The following CELF4 variants were observed in gnomAD, a reference collection of about 807,000 sequenced individuals.
CELF4 encodes CUG-BP- and ETR-3-like factor 4.
Under a neutral mutation model 59.9 loss-of-function variants are expected in CELF4, and 18 were observed. The observed-to-expected ratio is 0.30, with a 90% CI of 0.21 to 0.45. CELF4 has a LOEUF of 0.45. Ranked by LOEUF, CELF4 falls within the 20% of genes least tolerant of loss-of-function variation. The probability of loss-of-function intolerance (pLI) is 1.00; values close to 1 mark genes in which losing one functional copy is unlikely to be tolerated. For missense variants in CELF4, 456 were observed against 689.0 expected (o/e 0.66, Z 3.79); for synonymous variants, 261 against 267.1 (o/e 0.98, Z 0.22).
intron 2 of CELF4, among the ~76,000 whole-genome samples, chr18:37,363,878 T>C (rs1229901431): frequency 6.6e-6 from 1 of 152,178 alleles, no homozygotes; most frequent in Non-Finnish European, 1.5e-5. Flanking sequence ...GGGTACTCTC[T>C]GGCCTCCTCT....
At chr18:37,391,695 C>T (rs150587695) in intron 2 of CELF4, among the ~76,000 whole-genome samples, 18 of 152,340 alleles carry the variant, frequency 1.2e-4, no homozygotes, top group East Asian at 3.9e-4. Context: ...AGTGAATTCT[C>T]GCCTGAATCC....
At chr18:37,445,889 C>T (rs2099746830) in intron 2 of CELF4, among the ~76,000 whole-genome samples, 1 of 152,222 alleles carries the variant, frequency 6.6e-6, no homozygotes, top group African/African-American at 2.4e-5. Context: ...CACCATCCTC[C>T]TCCTCCTTAT....
chr18:37,455,553 C>A (rs904334399), intron 2 of CELF4, among the ~76,000 whole-genome samples: 1 of 152,172 alleles, frequency 6.6e-6, no homozygotes, highest in East Asian at 1.9e-4. Context: ...AATTGGGGAG[C>A]CAGGGCTGAC....
intron 1 of CELF4, among the ~76,000 whole-genome samples, chr18:37,515,124 G>A (rs752410914): frequency 1.3e-5 from 2 of 152,148 alleles, no homozygotes; most frequent in African/African-American, 2.4e-5. Flanking sequence ...GCTTAAATCT[G>A]CATGAGAGCC....
At chr18:37,421,282 T>A (rs1319625556) in intron 2 of CELF4, among the ~76,000 whole-genome samples, 2 of 152,224 alleles carry the variant, frequency 1.3e-5, no homozygotes, top group African/African-American at 2.4e-5. Context: ...AACACAGGGC[T>A]CCCAGCTCCC....
rs1356978769 is a variant in CELF4, at chr18:37,243,406, G to A, written c.*1836C>T. 6.6e-6 allele frequency: 1 copy of A among 152,158 alleles called. No individual in the cohort carries two copies. Among genetic ancestry groups the A allele is most frequent in the Non-Finnish European group, 1.5e-5 (1 of 68,038 alleles). 9.4% of individuals were successfully genotyped at this position (152,158 alleles called of 1,614,324 possible). On this transcript the variant is annotated 3_prime_UTR_variant, in exon 13 of 13. Transcript: ENST00000420428. ...ACATCAATGAGAAGGAATCAAGGCAGAATGCCAAAGCAATCTTCCCAAGGG... is the reference window on the plus strand; with the variant it reads ...ACATCAATGAGAAGGAATCAAGGCAAAATGCCAAAGCAATCTTCCCAAGGG...
At chr18:37,397,059 G>A (rs762402745) in intron 2 of CELF4, among the ~76,000 whole-genome samples, 10 of 152,162 alleles carry the variant, frequency 6.6e-5, no homozygotes, top group Non-Finnish European at 1.0e-4. Flanking sequence ...GCCCAGGGGG[G>A]AGGTGAGCGG....
Position 37,273,097 on chromosome 18 carries a change from C to G in CELF4, c.868G>C (p.Ala290Pro). 6.2e-7 allele frequency: 1 copy of G among 1,613,426 alleles called. No individual in the cohort carries two copies. The highest frequency in any genetic ancestry group is 8.5e-7 in the Non-Finnish European group (1 of 1,179,954). ...TGCTGCATCTGGGCGGCAGCGAAGG[C>G]AGCCATGGGGTTCAGGTAGCCGCCC... ...AQGGYLNPMA[A>P]FAAAQMQQMA... Residue 290 changes from alanine (A) to proline (P), a missense_variant, in exon 7 of 13, where the codon GCC becomes CCC. Physicochemically the swap from Ala to Pro is conservative, Grantham distance 27. Transcript: ENST00000420428.
At chr18:37,265,389 C>G (rs961768162) in intron 9 of CELF4, among the ~76,000 whole-genome samples, 1 of 152,108 alleles carries the variant, frequency 6.6e-6, no homozygotes, top group Non-Finnish European at 1.5e-5. Context: ...ATTAAAAACA[C>G]CAAAATGGCC....
intron 2 of CELF4, among the ~76,000 whole-genome samples, chr18:37,451,573 A>G (rs2099764210): frequency 6.6e-6 from 1 of 152,126 alleles, no homozygotes; most frequent in South Asian, 2.1e-4. Flanking sequence ...TTTGGTCCAC[A>G]TCCCTGCCTT....
chr18:37,319,988 T>G (rs1312539053), intron 3 of CELF4, among the ~76,000 whole-genome samples: 2 of 152,104 alleles, frequency 1.3e-5, no homozygotes, highest in Non-Finnish European at 2.9e-5. Flanking sequence ...GGGGGAAGGG[T>G]AGGCTGGGGC....
chr18:37,446,436 G>A (rs574711922), intron 2 of CELF4, among the ~76,000 whole-genome samples: 1 of 152,156 alleles, frequency 6.6e-6, no homozygotes, highest in South Asian at 2.1e-4. Flanking sequence ...GAAAGGCTTG[G>A]ACTGTAGTTT....
Position 37,254,110 on chromosome 18 carries a change from T to G in CELF4, c.1334-172A>C. The G allele has an allele frequency of 3.4e-6, 1 of 292,262 alleles. No individual in the cohort carries two copies. The highest frequency in any genetic ancestry group is 5.8e-6 in the Non-Finnish European group (1 of 173,096). 18.1% of individuals were successfully genotyped at this position (292,262 alleles called of 1,614,324 possible). ...CCCTCTCCAGCCCGCGCGCGCGTGCTAGGCCCCTCCGGGGGCAGGCGCTGG... is the reference window on the plus strand; with the variant it reads ...CCCTCTCCAGCCCGCGCGCGCGTGCGAGGCCCCTCCGGGGGCAGGCGCTGG... On this transcript the variant is annotated intron_variant, in intron 11 of 12. Transcript: ENST00000420428. The surrounding 1 kb of genome is among the most constrained non-coding windows in gnomAD (Gnocchi z 5.1).
chr18:37,302,843 A>T (rs1002064072), intron 3 of CELF4, among the ~76,000 whole-genome samples: 1 of 152,168 alleles, frequency 6.6e-6, no homozygotes, highest in Non-Finnish European at 1.5e-5. Flanking sequence ...TCCCTCCAAC[A>T]GCATTGCTTC....
intron 3 of CELF4, among the ~76,000 whole-genome samples, chr18:37,293,765 G>C (rs750822864): frequency 3.9e-5 from 6 of 152,202 alleles, no homozygotes; most frequent in Non-Finnish European, 5.9e-5. Flanking sequence ...TGATGGGCTA[G>C]AGGGGACTGT....
intron 1 of CELF4, among the ~76,000 whole-genome samples, chr18:37,524,985 C>A (rs1414787589): frequency 1.3e-5 from 2 of 152,234 alleles, no homozygotes; most frequent in African/African-American, 4.8e-5. Flanking sequence ...CCTCGGCCCT[C>A]CCTTTCTTCT....
At chr18:37,441,272 G>GTTGTGTGTGTGT (rs2099716172) in intron 2 of CELF4, among the ~76,000 whole-genome samples, 1 of 108,016 alleles carries the variant, frequency 9.3e-6, no homozygotes, top group African/African-American at 3.9e-5. Context: ...ACTCAACAAT[G>GTTGTGTGTGTGT]CTGTGTGTGT....
intron 2 of CELF4, among the ~76,000 whole-genome samples, chr18:37,448,094 G>A (rs1240134051): frequency 6.6e-6 from 1 of 152,226 alleles, no homozygotes; most frequent in Admixed American, 6.5e-5. Flanking sequence ...TGAGGCAGTC[G>A]AATGGCCAGT....
At chr18:37,448,002 C>G (rs1208239408) in intron 2 of CELF4, among the ~76,000 whole-genome samples, 1 of 152,214 alleles carries the variant, frequency 6.6e-6, no homozygotes, top group Non-Finnish European at 1.5e-5. Flanking sequence ...ACGTATCTCT[C>G]CTCAGAGCCA....
Sources: gnomAD v4.1 joint callset for allele counts (sites outside exome capture counted in the v4.1 genomes callset) on GRCh38, gnomAD v4.1.1 for gene constraint, Gnocchi (gnomAD v3.1) non-coding constraint, MANE v1.5 for transcripts, NCBI Gene and HGNC (gene_info 2026-07-23, HGNC 2026-07-21) for gene names.